COL19A1: variants seen among roughly 807,000 people sequenced by gnomAD.
The protein encoded by COL19A1 is collagen alpha-1(XIX) chain.
COL19A1 carries 159 observed loss-of-function variants against 190.2 expected under a neutral mutation model. That is an observed-to-expected ratio of 0.84 (90% CI 0.73 to 0.95). The LOEUF (loss-of-function observed/expected upper bound fraction) is 0.95, where lower values mean the gene tolerates loss of function less well. COL19A1 is among the 40% of genes least tolerant of loss of function. COL19A1 has a pLI of 0.00. For missense variants in COL19A1, 1,418 were observed against 1,431.9 expected, an observed-to-expected ratio of 0.99 and a Z score of 0.16; for synonymous variants, 509 against 458.9, an observed-to-expected ratio of 1.11 and a Z score of -1.39.
At position 70,157,261 on chromosome 6, in the gene COL19A1, G is replaced by T. The variant is rs1787497087; in HGVS notation, c.2292+538G>T. 1.3e-5 allele frequency among the ~76,000 whole-genome samples: 2 copies of T among 152,096 alleles called. 1 individual carries two copies. Among genetic ancestry groups the T allele is most frequent in the South Asian group, 4.1e-4 (2 of 4,832 alleles). The stretch of plus-strand genomic sequence containing the variant: ...AATCTTCTTGTTCTAGTTTACATCA[G>T]CTGCTCACCCGTTGGACTAAGGTTC... On this transcript the variant is annotated intron_variant, in intron 34 of 50. Transcript: ENST00000620364.
chr6:70,193,692 CT>C (rs1395116880), intron 48 of COL19A1, among the ~76,000 whole-genome samples: 1 of 152,194 alleles, frequency 6.6e-6, no homozygotes, highest in African/African-American at 2.4e-5. Flanking sequence ...TAGCCCTTTC[CT>C]TTTGTCTCTC....
intron 14 of COL19A1, among the ~76,000 whole-genome samples, chr6:70,061,108 G>T (rs1218406061): frequency 6.6e-6 from 1 of 152,054 alleles, no homozygotes; most frequent in Non-Finnish European, 1.5e-5. Context: ...TTTACTAAAC[G>T]GGAGGAACAG....
rs550597557 is a variant in COL19A1, at chr6:70,212,080, A to T, written c.*4806A>T. Among the ~76,000 whole-genome samples, 2 of 152,264 alleles carry T rather than the reference A, an allele frequency of 1.3e-5. No individual in the cohort carries two copies. Among genetic ancestry groups the T allele is most frequent in the African/African-American group, 4.8e-5 (2 of 41,558 alleles). ...TTATCAGAAGTGTGTGTATTGTGTG[A>T]CCATACTAAGCTTCTGGGTGTAAGT... On this transcript the variant is annotated 3_prime_UTR_variant, in exon 51 of 51. Transcript: ENST00000620364.
intron 49 of COL19A1, among the ~76,000 whole-genome samples, chr6:70,205,303 A>G (rs1228427761): frequency 6.6e-6 from 1 of 152,240 alleles, no homozygotes; most frequent in Non-Finnish European, 1.5e-5. Flanking sequence ...ACATTGTATG[A>G]CCTAGTCAAA....
At chr6:70,155,009 AT>A (rs1308116054) in intron 31 of COL19A1, among the ~76,000 whole-genome samples, 1 of 152,148 alleles carries the variant, frequency 6.6e-6, no homozygotes, top group Non-Finnish European at 1.5e-5. Context: ...ACCCTCACAG[AT>A]GCACCTGGGA....
intron 2 of COL19A1, among the ~76,000 whole-genome samples, chr6:69,888,504 GA>G (rs1769097629): frequency 1.3e-5 from 2 of 149,670 alleles, no homozygotes; most frequent in African/African-American, 4.9e-5. Context: ...CAGAGGAGAA[GA>G]AAGGAAAAAA....
At chr6:69,875,058 G>T (rs2149937085) in intron 1 of COL19A1, among the ~76,000 whole-genome samples, 1 of 152,330 alleles carries the variant, frequency 6.6e-6, no homozygotes, top group African/African-American at 2.4e-5. Flanking sequence ...ATTGAGTGGG[G>T]AGCAATAAAC....
intron 2 of COL19A1, among the ~76,000 whole-genome samples, chr6:69,883,934 A>T (rs755519611): frequency 1.2e-4 from 18 of 146,124 alleles, no homozygotes; most frequent in Non-Finnish European, 2.7e-4. Flanking sequence ...AAGGAATTCA[A>T]CATACTTTCA....
intron 4 of COL19A1, among the ~76,000 whole-genome samples, chr6:69,914,135 G>A (rs1231309619): frequency 1.3e-5 from 2 of 152,114 alleles, no homozygotes; most frequent in Non-Finnish European, 2.9e-5. Flanking sequence ...TTGAACTAGT[G>A]CTAATCAGAT....
chr6:69,875,912 C>G (rs560644058), intron 1 of COL19A1, among the ~76,000 whole-genome samples: 2 of 152,094 alleles, frequency 1.3e-5, no homozygotes, highest in South Asian at 4.2e-4. Flanking sequence ...GTGACGTCAT[C>G]TAAGGAGACA....
In COL19A1 at chr6:70,156,240, C is replaced by G. The variant is rs1380399958; in HGVS notation, c.2184+9C>G. On this transcript the variant is annotated intron_variant, in intron 32 of 50. Transcript: ENST00000620364. ...ATTCCATGGCCCGGAAGGTGAGAAG[C>G]CTGGCTGAATGTTTACGATCCCTGT... is the stretch of plus-strand genomic sequence containing the variant. 6.2e-7 allele frequency: 1 copy of G among 1,612,990 alleles called. No homozygotes were observed. The highest frequency in any genetic ancestry group is 8.5e-7 in the Non-Finnish European group (1 of 1,179,454).
At chr6:70,092,771 C>T (rs1485610044) in intron 15 of COL19A1, among the ~76,000 whole-genome samples, 3 of 152,096 alleles carry the variant, frequency 2.0e-5, no homozygotes, top group South Asian at 2.1e-4. Context: ...AAATTCTACC[C>T]CTTGAGTATA....
intron 15 of COL19A1, among the ~76,000 whole-genome samples, chr6:70,079,414 A>G (rs1437523585): frequency 1.3e-5 from 2 of 152,220 alleles, no homozygotes; most frequent in East Asian, 3.8e-4. Flanking sequence ...TAAGGGTGAT[A>G]ACTAAAGCCA....
chr6:69,978,315 A>G (rs1301614469), intron 11 of COL19A1, among the ~76,000 whole-genome samples: 1 of 152,172 alleles, frequency 6.6e-6, no homozygotes, highest in Non-Finnish European at 1.5e-5. Flanking sequence ...AATGTTTTGC[A>G]TTTTATCCAA....
intron 42 of COL19A1, among the ~76,000 whole-genome samples, chr6:70,176,935 A>G (rs978172434): frequency 6.6e-6 from 1 of 152,200 alleles, no homozygotes; most frequent in Admixed American, 6.5e-5. Context: ...ATCCTCAGGC[A>G]TGTACTTCAA....
chr6:70,026,143 A>G (rs1778720715), intron 12 of COL19A1, among the ~76,000 whole-genome samples: 1 of 152,242 alleles, frequency 6.6e-6, no homozygotes, highest in Non-Finnish European at 1.5e-5. Flanking sequence ...AACTAGAAAG[A>G]TATTTGAGAG....
At chr6:70,154,890 C>G (rs1451956405) in intron 31 of COL19A1, among the ~76,000 whole-genome samples, 1 of 152,116 alleles carries the variant, frequency 6.6e-6, no homozygotes, top group Non-Finnish European at 1.5e-5. Flanking sequence ...CACCTTCTGC[C>G]TGCTTTATTC....
chr6:70,044,707 G>A (rs1191817886), intron 14 of COL19A1, among the ~76,000 whole-genome samples: 1 of 152,144 alleles, frequency 6.6e-6, no homozygotes, highest in African/African-American at 2.4e-5. Context: ...TGAAATGCCA[G>A]TGGCAGATAT....
chr6:70,142,942 A>G (rs1027297837), intron 23 of COL19A1, 122 bp downstream of exon 23: 16 of 858,814 alleles, frequency 1.9e-5, no homozygotes, highest in South Asian at 1.7e-5. Flanking sequence ...TGGGTCATCT[A>G]TGCCACAAAA....
Sources: allele counts gnomAD v4.1 joint callset (sites outside exome capture counted in the v4.1 genomes callset), GRCh38; gene constraint gnomAD v4.1.1; transcripts MANE v1.5; gene names NCBI Gene and HGNC (gene_info 2026-07-23, HGNC 2026-07-21).